Variants in DCDC1 observed in about 807,000 individuals in gnomAD.
DCDC1 encodes doublecortin domain containing 1, also known as doublecortin domain-containing protein 1.
A neutral mutation model predicts 178.3 loss-of-function variants in DCDC1; 200 were observed. That is an observed-to-expected ratio of 1.12 (90% CI 1.00 to 1.26). DCDC1 has a LOEUF of 1.26. DCDC1 is among the 50% of genes most tolerant of loss of function. The probability of loss-of-function intolerance (pLI) is 0.00; values close to 1 mark genes in which losing one functional copy is unlikely to be tolerated. For synonymous variants in DCDC1, 690 were observed against 604.8 expected (o/e 1.14, Z -2.07); for missense variants, 1,983 against 1,749.2 (o/e 1.13, Z -2.38).
intron 8 of DCDC1, among the ~76,000 whole-genome samples, chr11:31,257,004 G>A (rs2137035359): frequency 6.6e-6 from 1 of 152,244 alleles, no homozygotes; most frequent in South Asian, 2.1e-4. Context: ...TGAAACTTCA[G>A]GCAAGTCTCA....
chr11:31,349,108 A>G (rs985246672), intron 1 of DCDC1, among the ~76,000 whole-genome samples: 1 of 152,244 alleles, frequency 6.6e-6, no homozygotes. Flanking sequence ...TCAGTGACAA[A>G]TGTTTTTGCT....
chr11:30,911,500 G>T, intron 27 of DCDC1, 80 bp from the exon 28 acceptor site: 1 of 1,034,028 alleles, frequency 9.7e-7, no homozygotes, highest in Non-Finnish European at 1.5e-6. Flanking sequence ...GCACTGTGTT[G>T]CCTCTCAGCT....
At chr11:31,041,209 T>C (rs1425769936) in intron 20 of DCDC1, among the ~76,000 whole-genome samples, 2 of 152,214 alleles carry the variant, frequency 1.3e-5, no homozygotes, top group Admixed American at 6.5e-5. Context: ...AACTTTTAAA[T>C]GCTTGTATTC....
At chr11:31,135,203 T>G (rs989648597) in intron 10 of DCDC1, among the ~76,000 whole-genome samples, 3 of 152,192 alleles carry the variant, frequency 2.0e-5, no homozygotes, top group Non-Finnish European at 4.4e-5. Context: ...TTGAGAATTA[T>G]CTAAGAATGT....
intron 9 of DCDC1, among the ~76,000 whole-genome samples, chr11:31,196,441 T>A (rs158137): frequency 0.6 from 90,438 of 151,760 alleles, 27,387 homozygotes; most frequent in East Asian, 0.93. Context: ...CAAGTAGTGG[T>A]TCCCCAGGTT....
intron 20 of DCDC1, among the ~76,000 whole-genome samples, chr11:31,056,512 T>G (rs573050466): frequency 7.9e-5 from 12 of 152,158 alleles, no homozygotes; most frequent in Non-Finnish European, 1.6e-4. Flanking sequence ...ATGCAAACAC[T>G]GACCAAAAAG....
At chr11:30,979,229 T>C (rs965014883) in intron 20 of DCDC1, among the ~76,000 whole-genome samples, 3 of 152,018 alleles carry the variant, frequency 2.0e-5, no homozygotes, top group Non-Finnish European at 4.4e-5. Context: ...AGAGAGAACA[T>C]GAAACTCAAC....
intron 20 of DCDC1, among the ~76,000 whole-genome samples, chr11:31,029,937 G>A (rs576415665): frequency 2.0e-5 from 3 of 152,022 alleles, no homozygotes; most frequent in African/African-American, 7.2e-5. Flanking sequence ...GAGACACACT[G>A]ACAAAAGGAA....
chr11:31,068,843 T>A (rs1964699), intron 18 of DCDC1, among the ~76,000 whole-genome samples: 2 of 151,708 alleles, frequency 1.3e-5, no homozygotes, highest in Non-Finnish European at 2.9e-5. Flanking sequence ...AGACTTTACT[T>A]CTCATTAATG....
At chr11:31,109,927 A>T (rs1464782819) in intron 12 of DCDC1, among the ~76,000 whole-genome samples, 1 of 152,140 alleles carries the variant, frequency 6.6e-6, no homozygotes, top group African/African-American at 2.4e-5. Flanking sequence ...GAAATACCCT[A>T]GATCCAGGGC....
At chr11:30,941,859 A>G (rs1047723104) in intron 21 of DCDC1, among the ~76,000 whole-genome samples, 1 of 152,214 alleles carries the variant, frequency 6.6e-6, no homozygotes, top group South Asian at 2.1e-4. Flanking sequence ...TTAGGAGAAA[A>G]GCAGTATAAA....
At chr11:31,245,942 T>C (rs1251598163) in intron 8 of DCDC1, among the ~76,000 whole-genome samples, 1 of 151,860 alleles carries the variant, frequency 6.6e-6, no homozygotes, top group Non-Finnish European at 1.5e-5. Flanking sequence ...AGGCAGTACA[T>C]GATAAGGAAC....
At chr11:31,348,505 C>T (rs190892149) in intron 1 of DCDC1, among the ~76,000 whole-genome samples, 2 of 152,274 alleles carry the variant, frequency 1.3e-5, no homozygotes, top group African/African-American at 4.8e-5. Flanking sequence ...CCCTTGAAAA[C>T]TGCTGCAGCA....
intron 20 of DCDC1, among the ~76,000 whole-genome samples, chr11:31,050,717 G>A (rs1252690538): frequency 6.6e-6 from 1 of 152,134 alleles, no homozygotes; most frequent in African/African-American, 2.4e-5. Context: ...CTGGAGCCGG[G>A]AAGACTCACT....
intron 6 of DCDC1, among the ~76,000 whole-genome samples, chr11:31,297,641 G>A (rs1219765780): frequency 3.9e-5 from 6 of 152,176 alleles, no homozygotes; most frequent in Admixed American, 1.3e-4. Flanking sequence ...CACCATGCCC[G>A]GCCCCCATAC....
intron 9 of DCDC1, among the ~76,000 whole-genome samples, chr11:31,170,136 GA>G (rs1967031800): frequency 6.6e-6 from 1 of 152,286 alleles, no homozygotes; most frequent in South Asian, 2.1e-4. Flanking sequence ...TTTGGCTACA[GA>G]TAAGGGAAAC....
At chr11:31,349,760 G>A (rs1950982659) in intron 1 of DCDC1, among the ~76,000 whole-genome samples, 1 of 152,036 alleles carries the variant, frequency 6.6e-6, no homozygotes, top group Non-Finnish European at 1.5e-5. Flanking sequence ...AGCTACCTTG[G>A]GAGGCTGAGG....
At chr11:31,252,755 G>C (rs1302169012) in intron 8 of DCDC1, among the ~76,000 whole-genome samples, 1 of 152,026 alleles carries the variant, frequency 6.6e-6, no homozygotes, top group Non-Finnish European at 1.5e-5. Context: ...CACAGACTAG[G>C]AATTAATTTC....
At chr11:31,008,179 G>A (rs1332819113) in intron 20 of DCDC1, among the ~76,000 whole-genome samples, 1 of 152,132 alleles carries the variant, frequency 6.6e-6, no homozygotes, top group African/African-American at 2.4e-5. Flanking sequence ...TAGGGAGGGG[G>A]GATTATGTGG....
Sources: allele counts gnomAD v4.1 joint callset (sites outside exome capture counted in the v4.1 genomes callset), GRCh38; gene constraint gnomAD v4.1.1; transcripts MANE v1.5; gene names NCBI Gene and HGNC (gene_info 2026-07-23, HGNC 2026-07-21).